Variants in DENND1A observed in about 807,000 individuals in gnomAD.
The protein encoded by DENND1A is DENN domain-containing protein 1A.
A neutral mutation model predicts 113.7 loss-of-function variants in DENND1A; 51 were observed. That is an observed-to-expected ratio of 0.45 (90% confidence interval 0.36 to 0.57). The LOEUF is 0.57. DENND1A is among the 20% of genes least tolerant of loss of function. DENND1A has a pLI of 0.00. For missense variants in DENND1A, 1,258 were observed against 1,395.9 expected (o/e 0.90, Z 1.57); for synonymous variants, 565 against 570.8 (o/e 0.99, Z 0.14).
intron 2 of DENND1A, among the ~76,000 whole-genome samples, chr9:123,810,336 G>A (rs1054370952): frequency 3.3e-5 from 5 of 152,102 alleles, no homozygotes; most frequent in African/African-American, 1.2e-4. Context: ...ACTGACAGGT[G>A]AGATGCCAGG....
At chr9:123,598,470 A>C (rs1317805128) in intron 11 of DENND1A, among the ~76,000 whole-genome samples, 1 of 151,732 alleles carries the variant, frequency 6.6e-6, no homozygotes, top group African/African-American at 2.4e-5. Context: ...AAAAAAAAAA[A>C]AAAAAAACCA....
intron 13 of DENND1A, among the ~76,000 whole-genome samples, chr9:123,459,026 C>T (rs777732935): frequency 2.0e-5 from 3 of 152,050 alleles, no homozygotes; most frequent in Non-Finnish European, 4.4e-5. Flanking sequence ...ATGAGCTGAG[C>T]CAAGTGTGTT....
chr9:123,629,646 G>A (rs958743403), intron 10 of DENND1A, among the ~76,000 whole-genome samples: 1 of 152,212 alleles, frequency 6.6e-6, no homozygotes, highest in African/African-American at 2.4e-5. Context: ...TGGTAGGGCT[G>A]TCGCCAAAAC....
chr9:123,420,432 G>T (rs1013751373), intron 19 of DENND1A, among the ~76,000 whole-genome samples: 1 of 152,208 alleles, frequency 6.6e-6, no homozygotes, highest in Non-Finnish European at 1.5e-5. Flanking sequence ...GGGGATGAGG[G>T]GGTGCTCAGG....
intron 19 of DENND1A, among the ~76,000 whole-genome samples, chr9:123,413,115 C>T (rs1020348369): frequency 2.6e-5 from 4 of 152,152 alleles, no homozygotes; most frequent in Non-Finnish European, 4.4e-5. Context: ...ACCCGGAAGG[C>T]GGAGGTTGCA....
chr9:123,729,054 C>T (rs2067963025), intron 5 of DENND1A, among the ~76,000 whole-genome samples: 2 of 152,104 alleles, frequency 1.3e-5, no homozygotes, highest in South Asian at 4.1e-4. Context: ...AGGCCTTCAA[C>T]AAATTCAACC....
chr9:123,711,747 C>T (rs1002391504), intron 5 of DENND1A, among the ~76,000 whole-genome samples: 2 of 151,902 alleles, frequency 1.3e-5, no homozygotes, highest in Non-Finnish European at 2.9e-5. Context: ...CTTCCCATTA[C>T]CAAACCCGCC....
intron 2 of DENND1A, among the ~76,000 whole-genome samples, chr9:123,877,723 T>G (rs1225494832): frequency 6.7e-6 from 1 of 149,034 alleles, no homozygotes; most frequent in Non-Finnish European, 1.5e-5. Flanking sequence ...CTTGGGAGGC[T>G]GAGGCAGGAG....
chr9:123,553,120 A>C (rs1406096058), intron 13 of DENND1A, among the ~76,000 whole-genome samples: 2 of 152,136 alleles, frequency 1.3e-5, no homozygotes, highest in African/African-American at 4.8e-5. Context: ...AGCTGAGTTC[A>C]GTGGCATGCA....
intron 2 of DENND1A, among the ~76,000 whole-genome samples, chr9:123,797,912 A>C (rs1168920710): frequency 1.3e-5 from 2 of 152,144 alleles, no homozygotes; most frequent in African/African-American, 4.8e-5. Context: ...TTTGACTCTA[A>C]AATTTGAAAG....
At chr9:123,668,639 A>G (rs1474999337) in intron 7 of DENND1A, among the ~76,000 whole-genome samples, 2 of 152,226 alleles carry the variant, frequency 1.3e-5, no homozygotes, top group African/African-American at 4.8e-5. Context: ...ACAGACTGTT[A>G]TACCTGTGCT....
Position 123,929,972 on chromosome 9 carries a change from C to A in DENND1A, c.-67G>T. The A allele has an allele frequency of 6.9e-6, 2 of 288,798 alleles. No individual in the cohort carries two copies. Among genetic ancestry groups the A allele is most frequent in the East Asian group, 5.9e-5 (1 of 16,834 alleles). The allele number at this position is 288,798 out of a possible 1,614,324, so 17.9% of individuals were successfully genotyped here. A position where few individuals can be genotyped will look rare whatever the true frequency, so the allele number is the denominator to read the frequency against. ...GCTGCGCTGCCCGCCCGCCCGCGGC[C>A]GACCGGCCTCCCTCTGGCGCTCTCC... is the stretch of plus-strand genomic sequence containing the variant. On this transcript the variant is annotated 5_prime_UTR_variant, in exon 1 of 24. Transcript: ENST00000394215.
chr9:123,545,757 A>G (rs1357286133), intron 13 of DENND1A, among the ~76,000 whole-genome samples: 1 of 152,060 alleles, frequency 6.6e-6, no homozygotes, highest in African/African-American at 2.4e-5. Context: ...GTGAGACACC[A>G]CGCCCATTCC....
At chr9:123,639,470 A>AC (rs2138993851) in intron 9 of DENND1A, among the ~76,000 whole-genome samples, 1 of 150,854 alleles carries the variant, frequency 6.6e-6, no homozygotes, top group African/African-American at 2.4e-5. Context: ...AAAAAAAAAA[A>AC]AAACCTCAGA....
At chr9:123,757,612 T>A (rs934186930) in intron 5 of DENND1A, 91 bp downstream of exon 5, 2 of 1,540,292 alleles carry the variant, frequency 1.3e-6, no homozygotes, top group African/African-American at 2.7e-5. Context: ...GAAAATGAAA[T>A]GAACAGCTGG....
intron 10 of DENND1A, among the ~76,000 whole-genome samples, chr9:123,621,084 A>G (rs2060936259): frequency 6.6e-6 from 1 of 152,152 alleles, no homozygotes; most frequent in Non-Finnish European, 1.5e-5. Flanking sequence ...TTTGGCATAC[A>G]TAAGAGAATT....
intron 10 of DENND1A, among the ~76,000 whole-genome samples, chr9:123,616,601 G>C (rs2060661553): frequency 6.6e-6 from 1 of 152,226 alleles, no homozygotes; most frequent in South Asian, 2.1e-4. Flanking sequence ...GGCAAGGTTA[G>C]TGTTTCTATT....
At position 123,528,905 on chromosome 9, in the gene DENND1A, G is replaced by C. The variant is rs79028640; in HGVS notation, c.993+28665C>G. ...TTCCCTCTATTTGAAGTAACTGTTT[G>C]CTTTCTGGAAAACTTCTCCTTCAAG... On this transcript the variant is annotated intron_variant, in intron 13 of 23. Coordinates refer to ENST00000394215, the MANE Select transcript of DENND1A (RefSeq NM_001352964.2). Among the ~76,000 whole-genome samples the C allele has an allele frequency of 7.2e-3, 1,093 of 152,282 alleles. 11 individuals carry two copies. Among genetic ancestry groups the C allele is most frequent in the Non-Finnish European group, 0.013 (877 of 68,022 alleles).
chr9:123,522,532 CCT>C (rs1163009744), intron 13 of DENND1A, among the ~76,000 whole-genome samples: 1 of 152,086 alleles, frequency 6.6e-6, no homozygotes, highest in Non-Finnish European at 1.5e-5. Flanking sequence ...TGAAAAAGAC[CCT>C]CTTTTACTAA....
Sources: allele counts gnomAD v4.1 joint callset (sites outside exome capture counted in the v4.1 genomes callset), GRCh38; gene constraint gnomAD v4.1.1; transcripts MANE v1.5; gene names NCBI Gene and HGNC (gene_info 2026-07-23, HGNC 2026-07-21).